CHCHD3: variants seen among roughly 807,000 people sequenced by gnomAD.
CHCHD3 encodes MICOS complex subunit MIC19.
In CHCHD3, 20 loss-of-function variants were observed where a neutral mutation model predicts 38.2. The ratio of observed to expected loss-of-function variants is 0.52; its 90% CI spans 0.37 to 0.76. The LOEUF is 0.76. Ranked by LOEUF, CHCHD3 falls within the 30% of genes least tolerant of loss-of-function variation. The pLI is 0.00. For missense variants in CHCHD3, 245 were observed against 279.2 expected, an observed-to-expected ratio of 0.88 and a Z score of 0.87; for synonymous variants, 82 against 100.0, an observed-to-expected ratio of 0.82 and a Z score of 1.07.
intron 3 of CHCHD3, among the ~76,000 whole-genome samples, chr7:132,991,661 AG>A (rs1219689827): frequency 1.3e-5 from 2 of 152,208 alleles, no homozygotes; most frequent in Non-Finnish European, 2.9e-5. Flanking sequence ...AAACCCAGTA[AG>A]ATGAAATCGT....
intron 3 of CHCHD3, among the ~76,000 whole-genome samples, chr7:132,989,965 T>C (rs1812228238): frequency 6.6e-6 from 1 of 152,156 alleles, no homozygotes; most frequent in Non-Finnish European, 1.5e-5. Flanking sequence ...AACTGTGTCT[T>C]ATCAGCAGGG....
chr7:133,073,983 T>C (rs928164203), intron 1 of CHCHD3, among the ~76,000 whole-genome samples: 3 of 152,178 alleles, frequency 2.0e-5, no homozygotes, highest in Non-Finnish European at 4.4e-5. Flanking sequence ...AGACGCAGTC[T>C]AAACATCCAA....
At chr7:132,892,688 T>C (rs1809393208) in intron 4 of CHCHD3, among the ~76,000 whole-genome samples, 1 of 152,156 alleles carries the variant, frequency 6.6e-6, no homozygotes, top group African/African-American at 2.4e-5. Context: ...ACTGCTGCTG[T>C]GTGCAGCCTC....
At chr7:132,990,296 C>A (rs899995036) in intron 3 of CHCHD3, among the ~76,000 whole-genome samples, 2 of 152,190 alleles carry the variant, frequency 1.3e-5, no homozygotes, top group African/African-American at 4.8e-5. Context: ...CCTGTAGCAT[C>A]CTTCACTGGA....
At chr7:132,997,700 CA>C (rs2117384652) in intron 3 of CHCHD3, among the ~76,000 whole-genome samples, 1 of 133,146 alleles carries the variant, frequency 7.5e-6, no homozygotes, top group South Asian at 2.5e-4. Context: ...AGCAAGAGAC[CA>C]AATGTGTTCA....
chr7:132,965,640 T>A (rs963293287), intron 4 of CHCHD3, among the ~76,000 whole-genome samples: 1 of 152,074 alleles, frequency 6.6e-6, no homozygotes, highest in Non-Finnish European at 1.5e-5. Context: ...TATGGATAGG[T>A]AAGATAGGAT....
chr7:132,844,225 G>A (rs1341391990), intron 5 of CHCHD3, among the ~76,000 whole-genome samples: 2 of 152,170 alleles, frequency 1.3e-5, no homozygotes, highest in Non-Finnish European at 2.9e-5. Flanking sequence ...TTGAACCCAG[G>A]AGTCAGAGGT....
intron 6 of CHCHD3, among the ~76,000 whole-genome samples, chr7:132,805,212 T>C (rs1445785357): frequency 6.6e-6 from 1 of 151,478 alleles, no homozygotes; most frequent in East Asian, 2.0e-4. Flanking sequence ...TACACACTCA[T>C]AAAGGTCACA....
chr7:132,822,551 AGT>A (rs1807404818), intron 6 of CHCHD3, among the ~76,000 whole-genome samples: 1 of 152,088 alleles, frequency 6.6e-6, no homozygotes, highest in African/African-American at 2.4e-5. Flanking sequence ...ACCTGTATAG[AGT>A]TGAGTACCTA....
intron 4 of CHCHD3, among the ~76,000 whole-genome samples, chr7:132,912,010 G>A (rs932994355): frequency 2.0e-5 from 3 of 152,080 alleles, no homozygotes; most frequent in African/African-American, 4.8e-5. Flanking sequence ...CACAACAAAC[G>A]TGAATTACAT....
chr7:132,984,890 G>A lies in CHCHD3; in HGVS notation c.252-9604C>T, dbSNP rs1431939642. Among the ~76,000 whole-genome samples, 2 of 100,652 alleles carry A rather than the reference G, an allele frequency of 2.0e-5. 1 individual carries two copies. Among genetic ancestry groups the A allele is most frequent in the Non-Finnish European group, 4.3e-5 (2 of 46,144 alleles). The allele number at this position is 100,652 out of a possible 152,430, so 66.0% of individuals were successfully genotyped here. A position where few individuals can be genotyped will look rare whatever the true frequency, so the allele number is the denominator to read the frequency against. On this transcript the variant is annotated intron_variant, in intron 3 of 7. Coordinates refer to ENST00000262570, the MANE Select transcript of CHCHD3 (RefSeq NM_017812.4). ...CCACCCGGCCAGCCGCCCCATCCGG[G>A]AGGGAGGTGGGGGGGTCAGCCCCCC...
chr7:133,015,201 G>A (rs1471184938), intron 3 of CHCHD3, among the ~76,000 whole-genome samples: 1 of 151,988 alleles, frequency 6.6e-6, no homozygotes, highest in African/African-American at 2.4e-5. Flanking sequence ...AAACTAGCTG[G>A]GTGTGGTGGC....
intron 4 of CHCHD3, among the ~76,000 whole-genome samples, chr7:132,901,779 G>C (rs1245097957): frequency 6.6e-6 from 1 of 152,134 alleles, no homozygotes; most frequent in Non-Finnish European, 1.5e-5. Context: ...TGTTCACTCT[G>C]ATGACAGTTT....
At chr7:132,850,131 C>T (rs1262698908) in intron 5 of CHCHD3, among the ~76,000 whole-genome samples, 1 of 152,154 alleles carries the variant, frequency 6.6e-6, no homozygotes, top group African/African-American at 2.4e-5. Context: ...TGCTTCACTT[C>T]TACTTGTCAG....
intron 4 of CHCHD3, among the ~76,000 whole-genome samples, chr7:132,917,791 G>GT (rs1810148534): frequency 1.3e-5 from 2 of 149,236 alleles, no homozygotes; most frequent in African/African-American, 5.0e-5. Context: ...CTCGGGAGGC[G>GT]GAGCTTGCAG....
intron 3 of CHCHD3, among the ~76,000 whole-genome samples, chr7:133,010,826 G>A (rs556253346): frequency 3.3e-5 from 5 of 152,192 alleles, no homozygotes; most frequent in East Asian, 3.9e-4. Context: ...TGATCCGCCC[G>A]CCTCGGCCTC....
intron 6 of CHCHD3, among the ~76,000 whole-genome samples, chr7:132,837,152 C>T (rs547532249): frequency 4.7e-4 from 71 of 152,116 alleles, no homozygotes; most frequent in East Asian, 1.5e-3. Context: ...CTAATGTATC[C>T]GAAATTTAGC....
At chr7:132,889,764 T>C (rs1173359088) in intron 4 of CHCHD3, among the ~76,000 whole-genome samples, 4 of 152,168 alleles carry the variant, frequency 2.6e-5, no homozygotes, top group Admixed American at 6.5e-5. Flanking sequence ...TCACACGATA[T>C]GAATCCTGAA....
chr7:132,916,754 T>C (rs1322120340), intron 4 of CHCHD3, among the ~76,000 whole-genome samples: 2 of 151,856 alleles, frequency 1.3e-5, no homozygotes, highest in Non-Finnish European at 2.9e-5. Flanking sequence ...GCTAATTTTA[T>C]TTTTGGTAGA....
Sources: gnomAD v4.1 joint callset for allele counts (sites outside exome capture counted in the v4.1 genomes callset) on GRCh38, gnomAD v4.1.1 for gene constraint, MANE v1.5 for transcripts, NCBI Gene and HGNC (gene_info 2026-07-23, HGNC 2026-07-21) for gene names.